The following FBXL7 variants were observed in gnomAD, a reference collection of about 807,000 sequenced individuals.
FBXL7 encodes the protein F-box and leucine rich repeat protein 7.
In FBXL7, 12 loss-of-function variants were observed where a neutral mutation model predicts 38.3. That is an observed-to-expected ratio of 0.31 (90% confidence interval 0.20 to 0.51). The LOEUF (loss-of-function observed/expected upper bound fraction) is 0.51, where lower values mean the gene tolerates loss of function less well. FBXL7 is among the 20% of genes least tolerant of loss of function. The pLI is 0.98. For missense variants in FBXL7, 567 were observed against 676.4 expected (o/e 0.84, Z 1.79); for synonymous variants, 297 against 300.9 (o/e 0.99, Z 0.13).
chr5:15,846,331 A>G (rs967312495), intron 2 of FBXL7, among the ~76,000 whole-genome samples: 1 of 152,216 alleles, frequency 6.6e-6, no homozygotes, highest in Non-Finnish European at 1.5e-5. Flanking sequence ...TTTCACTATT[A>G]TATATTTGTT....
At chr5:15,833,800 C>A (rs139573281) in intron 2 of FBXL7, among the ~76,000 whole-genome samples, 1 of 152,334 alleles carries the variant, frequency 6.6e-6, no homozygotes, top group East Asian at 1.9e-4. Context: ...CCCTTTCTTG[C>A]ACTGGCTTTT....
At position 15,634,981 on chromosome 5, in the gene FBXL7, A is replaced by T. The variant is rs889845404; in HGVS notation, c.127+18909A>T. Among the ~76,000 whole-genome samples the T allele has an allele frequency of 4.6e-5, 7 of 152,208 alleles. No homozygotes were observed. In the East Asian group the frequency reaches 1.4e-3, roughly 29 times the overall value. On this transcript the variant is annotated intron_variant, in intron 2 of 3. Coordinates refer to ENST00000504595, the MANE Select transcript of FBXL7 (RefSeq NM_012304.5). Reference sequence around the variant, plus strand: ...TTGAATCACATCTGCAAGTTCCCTTACCACATAAAGTAACATATTCATAGG... The same window carrying T: ...TTGAATCACATCTGCAAGTTCCCTTTCCACATAAAGTAACATATTCATAGG...
chr5:15,847,441 C>T (rs534550782), intron 2 of FBXL7, among the ~76,000 whole-genome samples: 17 of 152,222 alleles, frequency 1.1e-4, no homozygotes, highest in Admixed American at 3.3e-4. Flanking sequence ...TCACTGGGTC[C>T]CTCCCATGAC....
chr5:15,626,245 G>C (rs1740813485), intron 2 of FBXL7, among the ~76,000 whole-genome samples: 1 of 152,124 alleles, frequency 6.6e-6, no homozygotes, highest in East Asian at 1.9e-4. Context: ...CCAAGTATAA[G>C]TTAGGTAACT....
chr5:15,839,274 T>C (rs895742937), intron 2 of FBXL7, among the ~76,000 whole-genome samples: 2 of 152,108 alleles, frequency 1.3e-5, no homozygotes, highest in African/African-American at 4.8e-5. Context: ...ATTTTGTGAT[T>C]TCTGCTTTTT....
intron 1 of FBXL7, among the ~76,000 whole-genome samples, chr5:15,575,962 C>G (rs1265891798): frequency 6.6e-6 from 1 of 151,344 alleles, no homozygotes; most frequent in African/African-American, 2.4e-5. Context: ...CCATTCCCTG[C>G]TTTAGTCTGC....
intron 2 of FBXL7, among the ~76,000 whole-genome samples, chr5:15,779,037 G>A (rs1192436666): frequency 6.6e-6 from 1 of 151,960 alleles, no homozygotes; most frequent in Admixed American, 6.6e-5. Context: ...ACTGATAATT[G>A]TCATTACAGT....
intron 1 of FBXL7, among the ~76,000 whole-genome samples, chr5:15,565,402 A>G (rs1345393900): frequency 6.6e-6 from 1 of 152,066 alleles, no homozygotes; most frequent in East Asian, 1.9e-4. Flanking sequence ...GGTCTTTGTT[A>G]GAGACCCTCT....
intron 1 of FBXL7, among the ~76,000 whole-genome samples, chr5:15,572,526 G>T (rs1204013557): frequency 6.6e-6 from 1 of 152,112 alleles, no homozygotes; most frequent in African/African-American, 2.4e-5. Flanking sequence ...TCAAGCTGAG[G>T]CTGCTCACCA....
chr5:15,573,062 C>T (rs1738840279), intron 1 of FBXL7, among the ~76,000 whole-genome samples: 2 of 152,196 alleles, frequency 1.3e-5, no homozygotes, highest in South Asian at 4.1e-4. Flanking sequence ...TAATCACCTC[C>T]CCTTCCCCCA....
intron 1 of FBXL7, among the ~76,000 whole-genome samples, chr5:15,602,963 A>C (rs970281669): frequency 1.3e-5 from 2 of 152,056 alleles, no homozygotes; most frequent in Non-Finnish European, 2.9e-5. Context: ...CCTCCCAACT[A>C]GCTAGGACTA....
intron 2 of FBXL7, among the ~76,000 whole-genome samples, chr5:15,856,175 G>T (rs1010790338): frequency 2.1e-4 from 32 of 152,062 alleles, no homozygotes; most frequent in African/African-American, 7.5e-4. Context: ...AGAAAATGAA[G>T]AAGATGCAAA....
chr5:15,766,888 C>G (rs1328565645), intron 2 of FBXL7, among the ~76,000 whole-genome samples: 1 of 152,204 alleles, frequency 6.6e-6, no homozygotes, highest in Non-Finnish European at 1.5e-5. Context: ...AGCAGAACAA[C>G]CTGAGAAGAA....
At chr5:15,530,038 G>T (rs961941009) in intron 1 of FBXL7, among the ~76,000 whole-genome samples, 1 of 152,168 alleles carries the variant, frequency 6.6e-6, no homozygotes, top group Non-Finnish European at 1.5e-5. Context: ...TGGAACTGTA[G>T]CAGGAATTTT....
chr5:15,676,399 G>A (rs115743191), intron 2 of FBXL7, among the ~76,000 whole-genome samples: 190 of 152,334 alleles, frequency 1.2e-3, no homozygotes, highest in Middle Eastern at 6.8e-3. Flanking sequence ...GCAGGGTATT[G>A]ATGCCAAGGT....
chr5:15,867,412 C>T (rs1464801965), intron 2 of FBXL7, among the ~76,000 whole-genome samples: 2 of 152,180 alleles, frequency 1.3e-5, no homozygotes, highest in Non-Finnish European at 2.9e-5. Context: ...AAGTTGGTGT[C>T]AGTCCCATAA....
At chr5:15,611,488 T>C (rs1374287913) in intron 1 of FBXL7, among the ~76,000 whole-genome samples, 2 of 152,040 alleles carry the variant, frequency 1.3e-5, no homozygotes, top group East Asian at 3.9e-4. Flanking sequence ...GGCATTGAGT[T>C]CCATGACAGT....
chr5:15,790,459 C>T (rs1198636398), intron 2 of FBXL7, among the ~76,000 whole-genome samples: 1 of 152,094 alleles, frequency 6.6e-6, no homozygotes, highest in African/African-American at 2.4e-5. Context: ...AAGTGCCTGG[C>T]GAATTCTTCC....
At chr5:15,799,678 AG>A (rs1483627856) in intron 2 of FBXL7, among the ~76,000 whole-genome samples, 4 of 152,154 alleles carry the variant, frequency 2.6e-5, no homozygotes, top group African/African-American at 9.7e-5. Flanking sequence ...CTTTCTAAAA[AG>A]GAAAAAAGGT....
Sources: allele counts gnomAD v4.1 joint callset (sites outside exome capture counted in the v4.1 genomes callset), GRCh38; gene constraint gnomAD v4.1.1; transcripts MANE v1.5; gene names NCBI Gene and HGNC (gene_info 2026-07-23, HGNC 2026-07-21).